The following RASA2 variants were observed in gnomAD, a reference collection of about 807,000 sequenced individuals.
The protein encoded by RASA2 is ras GTPase-activating protein 2.
A neutral mutation model predicts 118.2 loss-of-function variants in RASA2; 155 were observed. The observed-to-expected ratio is 1.31, with a 90% confidence interval of 1.15 to 1.50. The LOEUF (loss-of-function observed/expected upper bound fraction) is 1.50, where lower values mean the gene tolerates loss of function less well. Ranked by LOEUF, RASA2 falls within the 40% of genes most tolerant of loss-of-function variation. The probability of loss-of-function intolerance (pLI) is 0.00; values close to 1 mark genes in which losing one functional copy is unlikely to be tolerated. For synonymous variants in RASA2, 353 were observed against 349.1 expected, an observed-to-expected ratio of 1.01 and a Z score of -0.12; for missense variants, 1,016 against 1,009.6, an observed-to-expected ratio of 1.01 and a Z score of -0.09.
intron 3 of RASA2, among the ~76,000 whole-genome samples, chr3:141,520,059 GCTGGAGTGCAGTGACATGAT>G (rs1213570936): frequency 7.0e-6 from 1 of 143,126 alleles, no homozygotes; most frequent in African/African-American, 2.6e-5. Context: ...TGTTGCCCAG[GCTGGAGTGCAGTGACATGAT>G]CTCCGTTCAC....
chr3:141,536,835 C>G (rs2082334137), intron 4 of RASA2, among the ~76,000 whole-genome samples: 1 of 150,620 alleles, frequency 6.6e-6, no homozygotes, highest in African/African-American at 2.4e-5. Flanking sequence ...ACAACCTCTG[C>G]CTCCTGGGTT....
chr3:141,510,302 A>C (rs552792644), intron 1 of RASA2, among the ~76,000 whole-genome samples: 1 of 152,308 alleles, frequency 6.6e-6, no homozygotes, highest in South Asian at 2.1e-4. Context: ...TGATTGCATA[A>C]GGGAACTAGT....
chr3:141,556,372 G>C (rs2082650230), intron 7 of RASA2, among the ~76,000 whole-genome samples: 1 of 151,718 alleles, frequency 6.6e-6, no homozygotes, highest in Non-Finnish European at 1.5e-5. Context: ...AATCGGAAGG[G>C]AAACTAGCAG....
Position 141,614,011 on chromosome 3 carries a change from A to G in RASA2, c.*1698A>G, listed in dbSNP as rs1016883041. On this transcript the variant is annotated 3_prime_UTR_variant, in exon 24 of 24. Transcript: ENST00000286364. ...AATTTAGCCATTTAATAAATTTCTT[A>G]TTCTCAAATTGCATTTAGATTAAAA... 6.6e-6 allele frequency: 1 copy of G among 152,216 alleles called. No homozygotes were observed. Among genetic ancestry groups the G allele is most frequent in the Non-Finnish European group, 1.5e-5 (1 of 68,016 alleles). 9.4% of individuals were successfully genotyped at this position (152,216 alleles called of 1,614,324 possible). A position where few individuals can be genotyped will look rare whatever the true frequency, so the allele number is the denominator to read the frequency against.
At chr3:141,547,267 T>A (rs1262085936) in intron 5 of RASA2, among the ~76,000 whole-genome samples, 2 of 152,166 alleles carry the variant, frequency 1.3e-5, no homozygotes, top group South Asian at 4.1e-4. Flanking sequence ...AGGGATTGCA[T>A]TGAATCTGTA....
At chr3:141,572,960 A>G (rs1427171498) in intron 12 of RASA2, among the ~76,000 whole-genome samples, 187 bp from the exon 13 acceptor site, 1 of 152,228 alleles carries the variant, frequency 6.6e-6, no homozygotes, top group Non-Finnish European at 1.5e-5. Context: ...AGAGTTTCAA[A>G]TATATGACAA....
At chr3:141,520,249 G>A (rs955142687) in intron 3 of RASA2, among the ~76,000 whole-genome samples, 2 of 152,014 alleles carry the variant, frequency 1.3e-5, no homozygotes, top group Admixed American at 1.3e-4. Context: ...CTGACCTCGT[G>A]ATCTGCCTGC....
chr3:141,576,917 A>C (rs1473817672), intron 14 of RASA2, 83 bp from the exon 15 acceptor site: 1 of 849,194 alleles, frequency 1.2e-6, no homozygotes, highest in African/African-American at 1.8e-5. Context: ...CCTAGTTTAC[A>C]TGTCTTTTCT....
intron 15 of RASA2, chr3:141,579,293 A>G (rs1469098620): frequency 6.6e-6 from 1 of 152,182 alleles, no homozygotes; most frequent in Non-Finnish European, 1.5e-5. Context: ...GATTGGTGAA[A>G]ATTCAGCAGG....
chr3:141,612,905 C>G lies in RASA2; in HGVS notation c.*592C>G, dbSNP rs1379096172. 6.6e-6 allele frequency: 1 copy of G among 152,186 alleles called. No homozygotes were observed. The allele number at this position is 152,186 out of a possible 1,614,324, so 9.4% of individuals were successfully genotyped here. ...ACTTGAAAGTTGGTAGATCCTTTTG[C>G]CTAAAGATGTAAACAAAACTCAAGA... On this transcript the variant is annotated 3_prime_UTR_variant, in exon 24 of 24. Coordinates refer to ENST00000286364, the MANE Select transcript of RASA2 (RefSeq NM_006506.5).
chr3:141,508,721 G>T (rs1348418179), intron 1 of RASA2, among the ~76,000 whole-genome samples: 2 of 152,156 alleles, frequency 1.3e-5, no homozygotes. Flanking sequence ...AGAGAAGTAG[G>T]ATAAGAGGGC....
intron 3 of RASA2, 75 bp downstream of exon 3, chr3:141,516,506 A>C (rs1196655095): frequency 9.0e-7 from 1 of 1,111,284 alleles, no homozygotes; most frequent in Non-Finnish European, 1.2e-6. Context: ...TATAGTTTTG[A>C]AAATTGCAGA....
At chr3:141,571,665 T>C in intron 11 of RASA2, 111 bp downstream of exon 11, 2 of 1,031,798 alleles carry the variant, frequency 1.9e-6, no homozygotes, top group Admixed American at 3.3e-5. Context: ...CCTTACTGTA[T>C]AGTAGGCTGA....
At chr3:141,493,547 G>A (rs2081663252) in intron 1 of RASA2, among the ~76,000 whole-genome samples, 1 of 152,144 alleles carries the variant, frequency 6.6e-6, no homozygotes, top group African/African-American at 2.4e-5. Flanking sequence ...TTCTGCTTTT[G>A]TCACAAATAG....
chr3:141,605,533 A>G (rs757394951), intron 19 of RASA2, among the ~76,000 whole-genome samples: 42 of 152,122 alleles, frequency 2.8e-4, no homozygotes, highest in African/African-American at 7.7e-4. Flanking sequence ...AAATATAGCA[A>G]TTTTCAGGGT....
intron 2 of RASA2, 104 bp downstream of exon 2, chr3:141,512,384 C>T: frequency 1.3e-6 from 1 of 789,564 alleles, no homozygotes; most frequent in Non-Finnish European, 2.0e-6. Context: ...AGAAACAGTG[C>T]TTGCTTTCAT....
At chr3:141,578,349 A>G (rs1237022859) in intron 15 of RASA2, among the ~76,000 whole-genome samples, 1 of 152,246 alleles carries the variant, frequency 6.6e-6, no homozygotes, top group Non-Finnish European at 1.5e-5. Flanking sequence ...CCTATAATGT[A>G]TCATTCCATG....
chr3:141,545,491 G>GTCTC (rs1348551060), intron 5 of RASA2, among the ~76,000 whole-genome samples: 4 of 140,512 alleles, frequency 2.8e-5, no homozygotes, highest in Non-Finnish European at 6.1e-5. Flanking sequence ...TTGAGATGGA[G>GTCTC]TCTCACTCTG....
chr3:141,506,401 GGGAT>G, intron 1 of RASA2, among the ~76,000 whole-genome samples: 1 of 152,306 alleles, frequency 6.6e-6, no homozygotes, highest in Admixed American at 6.5e-5. Context: ...TTTGAAATGA[GGGAT>G]GAACTATAAA....
Sources: gnomAD v4.1 joint callset for allele counts (sites outside exome capture counted in the v4.1 genomes callset) on GRCh38, gnomAD v4.1.1 for gene constraint, MANE v1.5 for transcripts, NCBI Gene and HGNC (gene_info 2026-07-23, HGNC 2026-07-21) for gene names.